Variants in PCDHA3 observed in about 807,000 individuals in gnomAD.
PCDHA3 encodes protocadherin alpha-3.
In PCDHA3, 41 loss-of-function variants were observed where a neutral mutation model predicts 62.2. The ratio of observed to expected loss-of-function variants is 0.66; its 90% CI spans 0.51 to 0.86. The LOEUF is 0.86. Ranked by LOEUF, PCDHA3 falls within the 40% of genes least tolerant of loss-of-function variation. The pLI is 0.00. For synonymous variants in PCDHA3, 640 were observed against 555.4 expected (o/e 1.15, Z -2.14); for missense variants, 1,304 against 1,241.2 (o/e 1.05, Z -0.76).
At chr5:140,893,987 T>A (rs112405686) in intron 1 of PCDHA3, among the ~76,000 whole-genome samples, 1 of 152,202 alleles carries the variant, frequency 6.6e-6, no homozygotes, top group Non-Finnish European at 1.5e-5. Context: ...TTTTAAAATA[T>A]CTCCAATTGT....
intron 2 of PCDHA3, among the ~76,000 whole-genome samples, chr5:140,981,680 C>G (rs1238332235): frequency 6.6e-6 from 1 of 151,746 alleles, no homozygotes; most frequent in Non-Finnish European, 1.5e-5. Context: ...CTTCCTTCCT[C>G]CCTTCCATCA....
chr5:140,939,349 TA>T (rs1233387801), intron 1 of PCDHA3, among the ~76,000 whole-genome samples: 4 of 152,154 alleles, frequency 2.6e-5, no homozygotes, highest in Admixed American at 6.5e-5. Context: ...CATTTCAACT[TA>T]TGATTGCAAA....
chr5:140,836,653 G>T lies in PCDHA3; in HGVS notation c.2394+33062G>T, dbSNP rs2150266924. ...TCATTCTCCCAGCAGAGGCGGCAGA[G>T]GGTGTGCTCTGGGGAGGGCCCACCC... On this transcript the variant is annotated intron_variant, in intron 1 of 3. Transcript: ENST00000522353. The T allele has an allele frequency of 1.9e-5, 30 of 1,613,390 alleles. 1 individual carries two copies. Among genetic ancestry groups the T allele is most frequent in the African/African-American group, 4.0e-5 (3 of 74,806 alleles).
intron 1 of PCDHA3, among the ~76,000 whole-genome samples, chr5:140,974,029 A>G (rs2096612369): frequency 6.6e-6 from 1 of 152,238 alleles, no homozygotes; most frequent in Admixed American, 6.5e-5. Flanking sequence ...ACAACTATAA[A>G]TTTAGCTTAT....
chr5:140,884,060 G>T (rs781956914), intron 1 of PCDHA3: 1 of 1,613,430 alleles, frequency 6.2e-7, no homozygotes, highest in African/African-American at 1.3e-5. Flanking sequence ...GCGCGCGGTG[G>T]ACGCCGATTC....
At chr5:140,878,923 A>G (rs895670993) in intron 1 of PCDHA3, among the ~76,000 whole-genome samples, 8 of 152,222 alleles carry the variant, frequency 5.3e-5, no homozygotes, top group African/African-American at 1.9e-4. Flanking sequence ...AGCTTCAATC[A>G]ATAATTTTAA....
rs559892183 is a variant in PCDHA3, at chr5:140,808,469, C to T, written c.2394+4878C>T. ...AGCCTATGAGCTGGTGGTGACCGCG[C>T]GAGACGGGGGCTCGCCTTCGCTGTG... On this transcript the variant is annotated intron_variant, in intron 1 of 3. Transcript: ENST00000522353. 180 of 1,614,168 alleles carry T rather than the reference C, an allele frequency of 1.1e-4. No individual in the cohort carries two copies. In the East Asian group the frequency reaches 4.0e-3, roughly 36 times the overall value.
chr5:140,803,194 T>A lies in PCDHA3; in HGVS notation c.1997T>A (p.Leu666Gln). The A allele has an allele frequency of 6.2e-7, 1 of 1,613,922 alleles. No homozygotes were observed. The highest frequency in any genetic ancestry group is 1.1e-5 in the South Asian group (1 of 91,076). Residue 666 changes from leucine to glutamine, a missense_variant, in exon 1 of 4, where the codon CTG becomes CAG. Coordinates refer to ENST00000522353, the MANE Select transcript of PCDHA3 (RefSeq NM_018906.3). Reference protein sequence around the residue: ...EPSLTATATVLVSLVESGQAP... With the variant: ...EPSLTATATVQVSLVESGQAP... ...TCATTGACCGCCACGGCCACTGTGCTGGTGTCGCTGGTGGAGAGTGGCCAG... is the reference window on the plus strand; with the variant it reads ...TCATTGACCGCCACGGCCACTGTGCAGGTGTCGCTGGTGGAGAGTGGCCAG...
chr5:140,882,119 T>C, intron 1 of PCDHA3: 1 of 1,438,056 alleles, frequency 7.0e-7, no homozygotes, highest in South Asian at 1.4e-5. Context: ...AGCCGCCGTT[T>C]CTTTCTTCCT....
chr5:140,834,153 T>C, intron 1 of PCDHA3: 1 of 535,142 alleles, frequency 1.9e-6, no homozygotes, highest in East Asian at 3.0e-5. Context: ...TTGTAATGGT[T>C]TGTAATTCTT....
intron 1 of PCDHA3, chr5:140,927,487 C>T: frequency 1.2e-6 from 2 of 1,614,142 alleles, no homozygotes; most frequent in Non-Finnish European, 1.7e-6. Context: ...GCGCGCCACC[C>T]ACCTGCTGGT....
chr5:140,842,977 G>A (rs2150349031), intron 1 of PCDHA3: 2 of 1,595,034 alleles, frequency 1.3e-6, no homozygotes, highest in East Asian at 2.2e-5. Flanking sequence ...TGACGCTGCA[G>A]GTGTTCGTGC....
At chr5:140,881,333 G>A (rs1554171980) in intron 1 of PCDHA3, 1 of 984,778 alleles carries the variant, frequency 1.0e-6, no homozygotes, top group Admixed American at 6.1e-5. Context: ...TAACCAGGAC[G>A]CCGATTCGGG....
chr5:140,835,869 G>T (rs781933371), intron 1 of PCDHA3: 1 of 1,612,094 alleles, frequency 6.2e-7, no homozygotes, highest in Non-Finnish European at 8.5e-7. Context: ...CTCGCTGGTG[G>T]AGCTGCGGGT....
At chr5:140,922,856 T>C (rs2081036799) in intron 1 of PCDHA3, among the ~76,000 whole-genome samples, 1 of 152,072 alleles carries the variant, frequency 6.6e-6, no homozygotes, top group Non-Finnish European at 1.5e-5. Context: ...ACCAAATACA[T>C]AGACAAGGGG....
In PCDHA3 at chr5:140,850,172, C is replaced by A. The variant is rs2150470572; in HGVS notation, c.2394+46581C>A. 55 of 1,594,266 alleles carry A rather than the reference C, an allele frequency of 3.4e-5. 7 individuals are homozygous for A. Among genetic ancestry groups the A allele is most frequent in the Non-Finnish European group, 4.5e-5 (52 of 1,167,736 alleles). ...TGCAGGTGTTCGTGCTGGACGAGAA[C>A]GACAATGCGCCGGCGCTGCTGACAC... is the stretch of plus-strand genomic sequence containing the variant. On this transcript the variant is annotated intron_variant, in intron 1 of 3. Transcript: ENST00000522353.
chr5:140,859,865 C>T (rs2046056665), intron 1 of PCDHA3: 1 of 151,972 alleles, frequency 6.6e-6, no homozygotes, highest in African/African-American at 2.4e-5. Context: ...GAAATATATA[C>T]TTCCCCCTCT....
In PCDHA3 at chr5:140,841,358, C is replaced by A. The variant is rs2150314140; in HGVS notation, c.2394+37767C>A. ...CTGGCGAGGAGAGCTGGGATCCTGGCGACTACTACTCTTGCTTCTGCTCCT... is the reference window on the plus strand; with the variant it reads ...CTGGCGAGGAGAGCTGGGATCCTGGAGACTACTACTCTTGCTTCTGCTCCT... On this transcript the variant is annotated intron_variant, in intron 1 of 3. Coordinates refer to ENST00000522353, the MANE Select transcript of PCDHA3 (RefSeq NM_018906.3). 11 of 1,612,868 alleles carry A rather than the reference C, an allele frequency of 6.8e-6. No homozygotes were observed. In the Admixed American group the frequency reaches 1.2e-4, roughly 17 times the overall value.
At chr5:140,809,191 A>G (rs1764391277) in intron 1 of PCDHA3, 1 of 1,614,020 alleles carries the variant, frequency 6.2e-7, no homozygotes, top group Non-Finnish European at 8.5e-7. Flanking sequence ...TGCTGGTGTC[A>G]CTTGTGGAGA....
Sources: allele counts gnomAD v4.1 joint callset (sites outside exome capture counted in the v4.1 genomes callset), GRCh38; gene constraint gnomAD v4.1.1; transcripts MANE v1.5; gene names NCBI Gene and HGNC (gene_info 2026-07-23, HGNC 2026-07-21).